Variants in UBE2K observed in about 807,000 individuals in gnomAD.
The protein encoded by UBE2K is ubiquitin conjugating enzyme E2 K.
In UBE2K, 6 loss-of-function variants were observed where a neutral mutation model predicts 30.0. The ratio of observed to expected loss-of-function variants is 0.20; its 90% CI spans 0.11 to 0.39. The LOEUF (loss-of-function observed/expected upper bound fraction) is 0.39. Among genes scored for constraint, UBE2K ranks in the 10% least tolerant of loss-of-function variants. The pLI is 1.00. For synonymous variants in UBE2K, 86 were observed against 83.7 expected (o/e 1.03, Z -0.15); for missense variants, 61 against 241.6 (o/e 0.25, Z 4.96).
intron 1 of UBE2K, among the ~76,000 whole-genome samples, chr4:39,710,815 T>C (rs1718626299): frequency 6.6e-6 from 1 of 152,104 alleles, no homozygotes; most frequent in African/African-American, 2.4e-5. Context: ...AGAAATACTT[T>C]ATACTTAGAA....
intron 1 of UBE2K, among the ~76,000 whole-genome samples, chr4:39,737,109 T>C (rs1408468955): frequency 6.6e-6 from 1 of 152,354 alleles, no homozygotes; most frequent in Admixed American, 6.5e-5. Context: ...GGGCCTGATA[T>C]ACATGGAATT....
intron 1 of UBE2K, among the ~76,000 whole-genome samples, chr4:39,732,672 CTTTT>C (rs10650873): frequency 7.0e-5 from 8 of 115,094 alleles, no homozygotes; most frequent in East Asian, 4.9e-4. Flanking sequence ...CTTCTTCCCT[CTTTT>C]TTTTTTTTTT....
At chr4:39,713,567 A>C (rs552235944) in intron 1 of UBE2K, among the ~76,000 whole-genome samples, 1 of 151,342 alleles carries the variant, frequency 6.6e-6, no homozygotes, top group South Asian at 2.1e-4. Context: ...AAGTTGTAGT[A>C]AAATACACAT....
chr4:39,725,852 A>G (rs1008432623), intron 1 of UBE2K, among the ~76,000 whole-genome samples: 1 of 152,162 alleles, frequency 6.6e-6, no homozygotes, highest in African/African-American at 2.4e-5. Flanking sequence ...CATGTTGCCC[A>G]GGTTGGTCTT....
intron 2 of UBE2K, among the ~76,000 whole-genome samples, chr4:39,744,287 C>T (rs1720867759): frequency 6.6e-6 from 1 of 152,136 alleles, no homozygotes; most frequent in Non-Finnish European, 1.5e-5. Context: ...ATTCTTCTGC[C>T]TCAGCCTCCT....
chr4:39,723,664 G>T (rs1450872170), intron 1 of UBE2K, among the ~76,000 whole-genome samples: 1 of 151,956 alleles, frequency 6.6e-6, no homozygotes, highest in Non-Finnish European at 1.5e-5. Flanking sequence ...CACTGCACGT[G>T]GCCTGTCTGC....
chr4:39,727,840 C>A (rs574227990), intron 1 of UBE2K, among the ~76,000 whole-genome samples: 2 of 152,068 alleles, frequency 1.3e-5, no homozygotes, highest in African/African-American at 4.8e-5. Context: ...TAACTGAAAT[C>A]TTAGAAGTGA....
chr4:39,769,984 T>G (rs917473369), intron 4 of UBE2K: 37 of 919,304 alleles, frequency 4.0e-5, no homozygotes, highest in Non-Finnish European at 5.8e-5. Flanking sequence ...CTTACCTTTC[T>G]GCCCCAGACC....
At chr4:39,727,726 T>G (rs1719831245) in intron 1 of UBE2K, among the ~76,000 whole-genome samples, 1 of 151,796 alleles carries the variant, frequency 6.6e-6, no homozygotes, top group Admixed American at 6.6e-5. Flanking sequence ...GTATATAAAT[T>G]CTAAAAGTTG....
intron 1 of UBE2K, among the ~76,000 whole-genome samples, chr4:39,728,801 G>A (rs976249511): frequency 6.7e-6 from 1 of 149,160 alleles, no homozygotes; most frequent in Non-Finnish European, 1.5e-5. Context: ...ACCACGCCCG[G>A]CTAGTAGGTT....
At chr4:39,767,669 A>G (rs545387119) in intron 4 of UBE2K, among the ~76,000 whole-genome samples, 3 of 152,240 alleles carry the variant, frequency 2.0e-5, no homozygotes, top group Non-Finnish European at 4.4e-5. Flanking sequence ...TTGTTGAGAT[A>G]TATGTTAGAC....
At position 39,705,147 on chromosome 4, in the gene UBE2K, C is replaced by T. The variant is rs547140915; in HGVS notation, c.63+6757C>T. On this transcript the variant is annotated intron_variant, in intron 1 of 6. Transcript: ENST00000261427. ...CTCCTGACCTTGTGATCTGCCGCCT[C>T]GGCCTCCCAAAGTGCTGGGATTGCA... is the stretch of plus-strand genomic sequence containing the variant. Among the ~76,000 whole-genome samples the T allele has an allele frequency of 3.7e-4, 55 of 149,420 alleles. 1 individual carries two copies. The highest frequency in any genetic ancestry group is 7.1e-4 in the African/African-American group (29 of 40,600).
At chr4:39,730,267 C>G (rs374401956) in intron 1 of UBE2K, among the ~76,000 whole-genome samples, 1 of 152,150 alleles carries the variant, frequency 6.6e-6, no homozygotes, top group African/African-American at 2.4e-5. Context: ...TTACTGCACC[C>G]TTGACCTCTT....
At chr4:39,776,370 TC>T (rs1299040311) in intron 5 of UBE2K, among the ~76,000 whole-genome samples, 2 of 152,200 alleles carry the variant, frequency 1.3e-5, no homozygotes, top group African/African-American at 4.8e-5. Context: ...ACCTCTTTCT[TC>T]CTTTCTCCAT....
chr4:39,712,766 G>A lies in UBE2K; in HGVS notation c.63+14376G>A, dbSNP rs191624932. Among the ~76,000 whole-genome samples, 512 of 151,626 alleles carry A rather than the reference G, an allele frequency of 3.4e-3. 2 individuals carry two copies. The highest frequency in any genetic ancestry group is 0.011 in the African/African-American group (456 of 41,346). ...TTTGTCACTATGATGGATGTGAAAT[G>A]GTGGTTTATTCTAATTTTTACTTCC... On this transcript the variant is annotated intron_variant, in intron 1 of 6. Transcript: ENST00000261427.
intron 4 of UBE2K, among the ~76,000 whole-genome samples, chr4:39,774,306 T>TA (rs917651487): frequency 2.1e-5 from 3 of 143,748 alleles, no homozygotes; most frequent in Non-Finnish European, 4.6e-5. Flanking sequence ...ACACTGTCAT[T>TA]AAAAAAAAGA....
At chr4:39,747,761 C>T (rs1244788484) in intron 3 of UBE2K, among the ~76,000 whole-genome samples, 1 of 151,336 alleles carries the variant, frequency 6.6e-6, no homozygotes, top group African/African-American at 2.4e-5. Flanking sequence ...GGACTACAGG[C>T]GTCTGCTACC....
intron 1 of UBE2K, among the ~76,000 whole-genome samples, chr4:39,718,826 G>A (rs886179758): frequency 6.6e-6 from 1 of 152,268 alleles, no homozygotes; most frequent in Non-Finnish European, 1.5e-5. Flanking sequence ...ACGCCCACCT[G>A]GAAATCTAGC....
At chr4:39,754,913 C>A (rs1197832008) in intron 3 of UBE2K, among the ~76,000 whole-genome samples, 3 of 152,176 alleles carry the variant, frequency 2.0e-5, no homozygotes, top group Non-Finnish European at 4.4e-5. Flanking sequence ...ATACAAGATC[C>A]TCCAAAAGTT....
Sources: allele counts gnomAD v4.1 joint callset (sites outside exome capture counted in the v4.1 genomes callset), GRCh38; gene constraint gnomAD v4.1.1; transcripts MANE v1.5; gene names NCBI Gene and HGNC (gene_info 2026-07-23, HGNC 2026-07-21).